The following KIAA1671 variants were observed in gnomAD, a reference collection of about 807,000 sequenced individuals.
The protein encoded by KIAA1671 is uncharacterized protein KIAA1671.
A neutral mutation model predicts 131.2 loss-of-function variants in KIAA1671; 52 were observed. The ratio of observed to expected loss-of-function variants is 0.40; its 90% confidence interval spans 0.32 to 0.50. The LOEUF is 0.50. Ranked by LOEUF, KIAA1671 falls within the 20% of genes least tolerant of loss-of-function variation. The pLI is 0.73. For missense variants in KIAA1671, 2,360 were observed against 2,364.2 expected, an observed-to-expected ratio of 1.00 and a Z score of 0.04; for synonymous variants, 1,003 against 961.6, an observed-to-expected ratio of 1.04 and a Z score of -0.80.
intron 1 of KIAA1671, among the ~76,000 whole-genome samples, chr22:24,988,291 A>C (rs1923659252): frequency 6.6e-6 from 1 of 150,792 alleles, no homozygotes; most frequent in African/African-American, 2.4e-5. Context: ...AAAAAAAAAA[A>C]AAAAAAGACT....
intron 6 of KIAA1671, among the ~76,000 whole-genome samples, chr22:25,132,509 C>T (rs1044979207): frequency 2.0e-5 from 3 of 152,280 alleles, no homozygotes. Flanking sequence ...CTCGGAGCCT[C>T]GGTTTCTTTA....
At chr22:25,077,253 G>A (rs1213332988) in intron 6 of KIAA1671, among the ~76,000 whole-genome samples, 1 of 152,184 alleles carries the variant, frequency 6.6e-6, no homozygotes, top group African/African-American at 2.4e-5. Context: ...TCACATCATG[G>A]CTGTGGGCAT....
intron 1 of KIAA1671, among the ~76,000 whole-genome samples, chr22:25,016,944 G>C (rs7291405): frequency 0.42 from 64,551 of 152,086 alleles, 13,671 homozygotes; most frequent in Middle Eastern, 0.49. Context: ...GCCTATAGGC[G>C]GTGTGCCCAG....
intron 6 of KIAA1671, among the ~76,000 whole-genome samples, chr22:25,142,147 C>T (rs891755315): frequency 1.1e-4 from 16 of 152,166 alleles, no homozygotes; most frequent in African/African-American, 3.9e-4. Flanking sequence ...TCTGCAATCC[C>T]TGCAATTCCA....
At chr22:25,113,504 A>C (rs2145917307) in intron 6 of KIAA1671, among the ~76,000 whole-genome samples, 1 of 152,316 alleles carries the variant, frequency 6.6e-6, no homozygotes, top group African/African-American at 2.4e-5. Context: ...TAAGGGACCC[A>C]GCATTTAGGG....
chr22:25,079,439 G>A (rs538887637), intron 6 of KIAA1671, among the ~76,000 whole-genome samples: 2 of 152,250 alleles, frequency 1.3e-5, no homozygotes, highest in South Asian at 4.1e-4. Context: ...GTGTAAGAAC[G>A]TTGTATAGTA....
intron 6 of KIAA1671, among the ~76,000 whole-genome samples, chr22:25,065,394 A>T (rs913078234): frequency 3.9e-5 from 6 of 152,140 alleles, no homozygotes; most frequent in African/African-American, 1.4e-4. Context: ...TCACTGAGCC[A>T]TTCCTCAGGT....
At chr22:25,110,512 T>C (rs1398643705) in intron 6 of KIAA1671, among the ~76,000 whole-genome samples, 1 of 151,358 alleles carries the variant, frequency 6.6e-6, no homozygotes, top group East Asian at 1.9e-4. Context: ...TCTATGTCTC[T>C]GAATCTGCAT....
At chr22:25,017,156 G>T (rs1438407125) in intron 1 of KIAA1671, among the ~76,000 whole-genome samples, 3 of 152,162 alleles carry the variant, frequency 2.0e-5, no homozygotes, top group Non-Finnish European at 2.9e-5. Flanking sequence ...GCTGAGGTGG[G>T]TGGATCACCT....
In KIAA1671 at chr22:25,194,531, T is replaced by TA. The variant is rs1934765413; in HGVS notation, c.*2132dup. Reference sequence around the variant, plus strand: ...GTCCTCATGCAAAACTCTCAATTCTTAATTAGTCATGTCTCAGCTCAAGGA... The same window carrying TA: ...GTCCTCATGCAAAACTCTCAATTCTTAAATTAGTCATGTCTCAGCTCAAGGA... On this transcript the variant is annotated 3_prime_UTR_variant, in exon 13 of 13. Transcript: ENST00000358431. 1 of 152,200 alleles carries TA rather than the reference T, an allele frequency of 6.6e-6. No homozygotes were observed. Among genetic ancestry groups the TA allele is most frequent in the African/African-American group, 2.4e-5 (1 of 41,440 alleles). The allele number at this position is 152,200 out of a possible 1,614,324, so 9.4% of individuals were successfully genotyped here.
chr22:25,027,154 AAAG>A (rs1925991829), intron 2 of KIAA1671, among the ~76,000 whole-genome samples: 2 of 152,182 alleles, frequency 1.3e-5, no homozygotes, highest in African/African-American at 4.8e-5. Context: ...GTTCAACAGA[AAAG>A]AACCACAAAG....
At chr22:25,013,247 T>C (rs1252595394) in intron 1 of KIAA1671, 1 of 152,124 alleles carries the variant, frequency 6.6e-6, no homozygotes, top group African/African-American at 2.4e-5. Flanking sequence ...AAATGGACAT[T>C]GTGCTGGGGG....
At chr22:25,132,613 T>C (rs1229623584) in intron 6 of KIAA1671, among the ~76,000 whole-genome samples, 1 of 152,194 alleles carries the variant, frequency 6.6e-6, no homozygotes, top group Non-Finnish European at 1.5e-5. Context: ...GGACATTTCA[T>C]AGATACATCT....
chr22:25,100,052 G>A (rs1009819124), intron 6 of KIAA1671, among the ~76,000 whole-genome samples: 3 of 152,234 alleles, frequency 2.0e-5, no homozygotes, highest in African/African-American at 4.8e-5. Flanking sequence ...TGCAGAGGAA[G>A]GTGGAGGATT....
chr22:24,967,883 C>T (rs546554039), intron 1 of KIAA1671, among the ~76,000 whole-genome samples: 2 of 152,256 alleles, frequency 1.3e-5, no homozygotes, highest in Admixed American at 6.5e-5. Context: ...GTCCCAGCTA[C>T]TCGGGAGGCT....
At position 25,029,204 on chromosome 22, in the gene KIAA1671, C is replaced by G; in HGVS notation, c.1205C>G (p.Ser402Cys). 19 of 1,457,644 alleles carry G rather than the reference C, an allele frequency of 1.3e-5. No homozygotes were observed. The highest frequency in any genetic ancestry group is 1.7e-5 in the Non-Finnish European group (19 of 1,101,832). The allele number at this position is 1,457,644 out of a possible 1,614,324, so 90.3% of individuals were successfully genotyped here. A position where few individuals can be genotyped will look rare whatever the true frequency, so the allele number is the denominator to read the frequency against. The change falls in exon 3 of 13, where the codon TCC becomes TGC. Residue 402 changes from serine (S) to cysteine (C), a missense_variant. Physicochemically the swap from Ser to Cys is moderately radical, Grantham distance 112. Coordinates refer to ENST00000358431, the MANE Select transcript of KIAA1671 (RefSeq NM_001145206.2). Reference sequence around the variant, plus strand: ...CCAGAGCCAGAGAAGGCTGCTGAGTCCCCCTCACCCAGGCTGGGAAGGGGC... The same window carrying G: ...CCAGAGCCAGAGAAGGCTGCTGAGTGCCCCTCACCCAGGCTGGGAAGGGGC... ...LDPEPEKAAE[S>C]PSPRLGRGLE... is the part of the protein sequence containing the mutation.
chr22:25,033,575 T>TTTTTG, intron 4 of KIAA1671, among the ~76,000 whole-genome samples: 3 of 28,944 alleles, frequency 1.0e-4, no homozygotes, highest in Non-Finnish European at 6.4e-5. Flanking sequence ...TTTGTTTTCG[T>TTTTTG]TTTTTTTTTT....
intron 6 of KIAA1671, chr22:25,053,692 C>G (rs972640991): frequency 6.6e-6 from 1 of 152,134 alleles, no homozygotes; most frequent in Admixed American, 6.6e-5. Flanking sequence ...CTGGGAGGGT[C>G]CAGTTAGGTG....
chr22:25,186,701 C>T (rs2146045178), intron 11 of KIAA1671, among the ~76,000 whole-genome samples: 1 of 152,372 alleles, frequency 6.6e-6, no homozygotes, highest in East Asian at 1.9e-4. Flanking sequence ...GGATCCCAGG[C>T]TAAAGCCACT....
Sources: gnomAD v4.1 joint callset for allele counts (sites outside exome capture counted in the v4.1 genomes callset) on GRCh38, gnomAD v4.1.1 for gene constraint, MANE v1.5 for transcripts, NCBI Gene and HGNC (gene_info 2026-07-23, HGNC 2026-07-21) for gene names.